Variants in ABLIM1 observed in about 807,000 individuals in gnomAD.
ABLIM1 encodes actin binding LIM protein 1.
ABLIM1 carries 40 observed loss-of-function variants against 107.0 expected under a neutral mutation model. The ratio of observed to expected loss-of-function variants is 0.37; its 90% CI spans 0.29 to 0.49. The LOEUF (loss-of-function observed/expected upper bound fraction) is 0.49. Among genes scored for constraint, ABLIM1 ranks in the 20% least tolerant of loss-of-function variants. The pLI, the probability that ABLIM1 is intolerant of heterozygous loss-of-function variation, is 0.97. For synonymous variants in ABLIM1, 357 were observed against 357.3 expected (o/e 1.00, Z 0.01); for missense variants, 857 against 1,008.5 (o/e 0.85, Z 2.04).
intron 1 of ABLIM1, among the ~76,000 whole-genome samples, chr10:114,736,126 G>T (rs1591913531): frequency 6.6e-6 from 1 of 152,162 alleles, no homozygotes; most frequent in South Asian, 2.1e-4. Context: ...GACAGGTGGT[G>T]ATGTTTTTCT....
Position 114,568,047 on chromosome 10 carries a change from G to A in ABLIM1, c.673+3250C>T, listed in dbSNP as rs537142662. 1.1e-4 allele frequency among the ~76,000 whole-genome samples: 16 copies of A among 151,462 alleles called. No homozygotes were observed. The Middle Eastern group carries it at 0.017, about 161-fold the overall frequency. On this transcript the variant is annotated intron_variant, in intron 4 of 22. Transcript: ENST00000533213. The stretch of plus-strand genomic sequence containing the variant: ...CTACTAAAAATACAAAAAATTAGCC[G>A]GGCGCGGTGGCAGGCGCCTGTAGTC...
Position 114,540,470 on chromosome 10 carries a change from C to T in ABLIM1, c.894+4535G>A, listed in dbSNP as rs370121568. ...TGGTGCTCGGGCCCGTCTCCCCACC[C>T]GTTCAAGCTGATGTGATTTTCAGGG... On this transcript the variant is annotated intron_variant, in intron 6 of 22. Transcript: ENST00000533213. Among the ~76,000 whole-genome samples, 32 of 152,270 alleles carry T rather than the reference C, an allele frequency of 2.1e-4. No individual in the cohort carries two copies. In the East Asian group the frequency reaches 5.0e-3, roughly 24 times the overall value.
intron 12 of ABLIM1, among the ~76,000 whole-genome samples, chr10:114,459,557 CT>C (rs11357358): frequency 0.41 from 60,815 of 148,662 alleles, 11,954 homozygotes; most frequent in South Asian, 0.44. Context: ...CACCACATAT[CT>C]TTTTTTTTTT....
In ABLIM1 at chr10:114,438,965, C is replaced by T. The variant is rs116338296; in HGVS notation, c.2142+211G>A. 2.4e-3 allele frequency among the ~76,000 whole-genome samples: 367 copies of T among 152,366 alleles called. 2 individuals carry two copies. Among genetic ancestry groups the T allele is most frequent in the African/African-American group, 8.5e-3 (352 of 41,582 alleles). On this transcript the variant is annotated intron_variant, in intron 21 of 22. Transcript: ENST00000533213. ...CATAGGCAGAGAGGGACTGGCACCT[C>T]ACTGTAAACACACAGCATCATGCCC...
At chr10:114,801,214 G>C in the ABLIM1 span, among the ~76,000 whole-genome samples, 3 of 151,980 alleles carry the variant, frequency 2.0e-5, no homozygotes, top group African/African-American at 7.3e-5. Flanking sequence ...AAGAGTCCTA[G>C]ACCAGCCTGG....
At chr10:114,625,778 G>A (rs1276738228) in intron 1 of ABLIM1, among the ~76,000 whole-genome samples, 1 of 152,130 alleles carries the variant, frequency 6.6e-6, no homozygotes, top group Non-Finnish European at 1.5e-5. Context: ...GAGCCAGATA[G>A]GCAGAAAAAT....
intron 1 of ABLIM1, among the ~76,000 whole-genome samples, chr10:114,617,428 AT>A (rs955557107): frequency 3.5e-4 from 51 of 146,086 alleles, no homozygotes; most frequent in Admixed American, 4.1e-4. Context: ...CGTTTGGCTA[AT>A]TTTTTTTTTT....
At chr10:114,597,250 A>C (rs143407174) in intron 2 of ABLIM1, among the ~76,000 whole-genome samples, 2 of 152,198 alleles carry the variant, frequency 1.3e-5, no homozygotes, top group African/African-American at 4.8e-5. Context: ...TGGGACTTAT[A>C]AAAAGTAAAG....
At chr10:114,787,760 C>T in the ABLIM1 span, among the ~76,000 whole-genome samples, 1 of 137,038 alleles carries the variant, frequency 7.3e-6, no homozygotes, top group Admixed American at 7.5e-5. Flanking sequence ...TGAGGGGAGC[C>T]TCTGCCCTGC....
intron 17 of ABLIM1, among the ~76,000 whole-genome samples, chr10:114,442,824 G>T (rs1323674209): frequency 1.4e-5 from 2 of 147,200 alleles, no homozygotes; most frequent in African/African-American, 5.2e-5. Flanking sequence ...AAAAATGCTT[G>T]CATGGAGTGA....
intron 1 of ABLIM1, among the ~76,000 whole-genome samples, chr10:114,728,198 T>C (rs1157217721): frequency 6.6e-6 from 1 of 152,134 alleles, no homozygotes; most frequent in Non-Finnish European, 1.5e-5. Context: ...AAAGTAAGAT[T>C]TTGCATACTC....
chr10:114,612,758 A>G (rs540718710), intron 1 of ABLIM1, among the ~76,000 whole-genome samples: 1 of 152,324 alleles, frequency 6.6e-6, no homozygotes, highest in African/African-American at 2.4e-5. Flanking sequence ...AGAGAGCCAC[A>G]TCCATCCTGA....
At position 114,683,175 on chromosome 10, in the gene ABLIM1, G is replaced by A. The variant is rs756596775; in HGVS notation, c.64+1115C>T. On this transcript the variant is annotated intron_variant, in intron 1 of 23. Coordinates refer to the ABLIM1 transcript ENST00000369256. ...GAATCTTGTGTAAACCTGAGGTGAC[G>A]TTATCCTTTAGAAAGAACAGGGGAG... Among the ~76,000 whole-genome samples the A allele has an allele frequency of 2.6e-5, 4 of 152,204 alleles. No homozygotes were observed. The East Asian group carries it at 5.8e-4, about 22-fold the overall frequency.
intron 2 of ABLIM1, among the ~76,000 whole-genome samples, chr10:114,575,930 T>A (rs748894423): frequency 2.6e-5 from 4 of 152,156 alleles, no homozygotes; most frequent in Non-Finnish European, 5.9e-5. Context: ...AGTGTGCTAT[T>A]TAGGAAAGGT....
At chr10:114,536,251 T>G (rs1371346691) in intron 6 of ABLIM1, among the ~76,000 whole-genome samples, 7 of 82,822 alleles carry the variant, frequency 8.5e-5, no homozygotes, top group Non-Finnish European at 1.8e-4. Context: ...TTTTTTTTTT[T>G]TTTTTTTTTT....
In ABLIM1 at chr10:114,448,141, T is replaced by G. The variant is rs2061322131; in HGVS notation, c.1595-121A>C. On this transcript the variant is annotated intron_variant, in intron 14 of 22. Coordinates refer to ENST00000533213, the MANE Select transcript of ABLIM1 (RefSeq NM_002313.7). ...AAGTTTCAGTTCCAGAAAGTTCTGT[T>G]TATTACCATTATCCATGGCCCAGTC... The G allele has an allele frequency of 6.3e-6, 8 of 1,279,982 alleles. No individual in the cohort carries two copies. In the Admixed American group the frequency reaches 1.7e-4, roughly 27 times the overall value. The allele number at this position is 1,279,982 out of a possible 1,614,324, so 79.3% of individuals were successfully genotyped here. A position where few individuals can be genotyped will look rare whatever the true frequency, so the allele number is the denominator to read the frequency against.
chr10:114,743,174 A>G (rs1014790992), intron 1 of ABLIM1, among the ~76,000 whole-genome samples: 9 of 152,208 alleles, frequency 5.9e-5, no homozygotes, highest in Non-Finnish European at 1.2e-4. Flanking sequence ...AGCAACTTCA[A>G]GGTAATTTGC....
At chr10:114,709,351 T>G (rs1314930885) in intron 1 of ABLIM1, among the ~76,000 whole-genome samples, 6 of 152,218 alleles carry the variant, frequency 3.9e-5, no homozygotes, top group Admixed American at 3.9e-4. Flanking sequence ...TAGAAAAATC[T>G]TCCAGCCATC....
At chr10:114,584,668 A>G (rs1304197389) in intron 2 of ABLIM1, among the ~76,000 whole-genome samples, 1 of 152,214 alleles carries the variant, frequency 6.6e-6, no homozygotes, top group Non-Finnish European at 1.5e-5. Flanking sequence ...CTCAAAAAAC[A>G]TATTTTAAGA....
Sources: allele counts gnomAD v4.1 joint callset (sites outside exome capture counted in the v4.1 genomes callset), GRCh38; gene constraint gnomAD v4.1.1; transcripts MANE v1.5; gene names NCBI Gene and HGNC (gene_info 2026-07-23, HGNC 2026-07-21).